EBF1: variants seen among roughly 807,000 people sequenced by gnomAD.
The protein encoded by EBF1 is EBF transcription factor 1.
EBF1 carries 10 observed loss-of-function variants against 68.4 expected under a neutral mutation model. That is an observed-to-expected ratio of 0.15 (90% CI 0.09 to 0.25). The LOEUF (loss-of-function observed/expected upper bound fraction) is 0.25. EBF1 is among the 10% of genes least tolerant of loss of function. The pLI is 1.00. For missense variants in EBF1, 509 were observed against 794.4 expected, an observed-to-expected ratio of 0.64 and a Z score of 4.32; for synonymous variants, 298 against 299.8, an observed-to-expected ratio of 0.99 and a Z score of 0.06.
chr5:158,852,711 C>A (rs898930958), intron 6 of EBF1, among the ~76,000 whole-genome samples: 1 of 152,168 alleles, frequency 6.6e-6, no homozygotes, highest in African/African-American at 2.4e-5. Context: ...AAAATAGAGT[C>A]TGACACTTTA....
chr5:158,701,086 A>G (rs1385652534), intron 15 of EBF1, among the ~76,000 whole-genome samples: 1 of 152,180 alleles, frequency 6.6e-6, no homozygotes, highest in Non-Finnish European at 1.5e-5. Flanking sequence ...TGCCTCCCCA[A>G]GGATCTTTTC....
chr5:158,802,931 A>G (rs780995236), intron 8 of EBF1, among the ~76,000 whole-genome samples: 2 of 152,136 alleles, frequency 1.3e-5, no homozygotes, highest in Non-Finnish European at 2.9e-5. Context: ...CAGATTATGT[A>G]TTTTATTGTA....
At chr5:158,964,901 A>G (rs1049335226) in intron 6 of EBF1, among the ~76,000 whole-genome samples, 1 of 152,236 alleles carries the variant, frequency 6.6e-6, no homozygotes, top group Non-Finnish European at 1.5e-5. Context: ...GCAACAAATC[A>G]TCAAGATGTG....
intron 14 of EBF1, among the ~76,000 whole-genome samples, chr5:158,711,661 G>T (rs892360032): frequency 2.6e-5 from 4 of 151,014 alleles, no homozygotes; most frequent in East Asian, 2.0e-4. Context: ...GTTTATGGGG[G>T]TTTTTTTGTT....
intron 6 of EBF1, among the ~76,000 whole-genome samples, chr5:158,882,588 T>G (rs978559760): frequency 1.2e-4 from 19 of 152,136 alleles, no homozygotes; most frequent in Admixed American, 1.2e-3. Flanking sequence ...GATAAAAATA[T>G]GCAAAGTTTC....
chr5:158,717,942 T>G (rs774329323), intron 11 of EBF1, among the ~76,000 whole-genome samples: 2 of 152,172 alleles, frequency 1.3e-5, no homozygotes, highest in Non-Finnish European at 2.9e-5. Flanking sequence ...AAAATGTGGA[T>G]GCATTATTCT....
chr5:158,973,672 C>A (rs921198038), intron 6 of EBF1, among the ~76,000 whole-genome samples: 2 of 152,142 alleles, frequency 1.3e-5, no homozygotes, highest in Admixed American at 6.5e-5. Flanking sequence ...ATCATTATAC[C>A]CCCAAGTAAC....
intron 9 of EBF1, among the ~76,000 whole-genome samples, chr5:158,783,358 G>A (rs1006925000): frequency 3.9e-5 from 6 of 152,190 alleles, no homozygotes; most frequent in Admixed American, 3.9e-4. Flanking sequence ...TTGCACAGAA[G>A]AAAGGAAAAA....
At chr5:159,039,117 G>A (rs1411927023) in intron 6 of EBF1, among the ~76,000 whole-genome samples, 1 of 152,166 alleles carries the variant, frequency 6.6e-6, no homozygotes, top group Non-Finnish European at 1.5e-5. Context: ...AAGAGTCTGT[G>A]GTATAAATGA....
intron 6 of EBF1, among the ~76,000 whole-genome samples, chr5:158,868,944 G>A (rs1159940653): frequency 6.6e-6 from 1 of 152,088 alleles, no homozygotes; most frequent in Non-Finnish European, 1.5e-5. Context: ...ATCGAAGGAG[G>A]TTTCATGTTC....
intron 6 of EBF1, among the ~76,000 whole-genome samples, chr5:158,859,761 C>T (rs1314378383): frequency 6.6e-6 from 1 of 152,210 alleles, no homozygotes; most frequent in African/African-American, 2.4e-5. Flanking sequence ...GAGCCCACTC[C>T]TCAAGCCAAC....
intron 11 of EBF1, among the ~76,000 whole-genome samples, chr5:158,714,798 G>A (rs1362904044): frequency 6.6e-6 from 1 of 152,002 alleles, no homozygotes; most frequent in African/African-American, 2.4e-5. Flanking sequence ...TTTCATTACT[G>A]GCAGTATCTA....
chr5:158,856,954 A>G (rs931075082), intron 6 of EBF1, among the ~76,000 whole-genome samples: 3 of 152,092 alleles, frequency 2.0e-5, no homozygotes, highest in Admixed American at 6.6e-5. Flanking sequence ...ATCTGGCAAC[A>G]TGCCTATCTA....
intron 4 of EBF1, among the ~76,000 whole-genome samples, chr5:159,094,651 A>G (rs1782263715): frequency 6.6e-6 from 1 of 152,218 alleles, no homozygotes; most frequent in African/African-American, 2.4e-5. Flanking sequence ...GAAACATTCT[A>G]AAATCACAAT....
At chr5:158,964,626 G>T (rs1361264660) in intron 6 of EBF1, among the ~76,000 whole-genome samples, 1 of 152,110 alleles carries the variant, frequency 6.6e-6, no homozygotes, top group Admixed American at 6.5e-5. Flanking sequence ...TCTACCTAAG[G>T]CTTCCCCAAT....
At chr5:158,842,885 A>T (rs1404090919) in intron 6 of EBF1, among the ~76,000 whole-genome samples, 1 of 152,202 alleles carries the variant, frequency 6.6e-6, no homozygotes, top group African/African-American at 2.4e-5. Flanking sequence ...TGAATCTAGA[A>T]CTCAAATTCA....
rs373101225 is a variant in EBF1, at chr5:158,700,611, G to A, written c.1745-1469C>T. 1.2e-3 allele frequency among the ~76,000 whole-genome samples: 177 copies of A among 149,260 alleles called. 3 individuals are homozygous for A. The South Asian group carries it at 0.016, about 13-fold the overall frequency. ...AGCCCCAAGACCCCCACGTTCCTCC[G>A]GCTTCCCCACCCCCACCCCTGGTAT... On this transcript the variant is annotated intron_variant, in intron 15 of 15. Transcript: ENST00000313708.
chr5:158,888,610 C>T (rs1414058887), intron 6 of EBF1, among the ~76,000 whole-genome samples: 1 of 152,036 alleles, frequency 6.6e-6, no homozygotes, highest in East Asian at 1.9e-4. Flanking sequence ...TAAAAATTGA[C>T]AAATTATATT....
chr5:158,743,565 T>C (rs1443342302), intron 10 of EBF1, among the ~76,000 whole-genome samples: 1 of 152,204 alleles, frequency 6.6e-6, no homozygotes, highest in Non-Finnish European at 1.5e-5. Flanking sequence ...GGCAGCATTA[T>C]TGTAATAATC....
Sources: gnomAD v4.1 joint callset for allele counts (sites outside exome capture counted in the v4.1 genomes callset) on GRCh38, gnomAD v4.1.1 for gene constraint, MANE v1.5 for transcripts, NCBI Gene and HGNC (gene_info 2026-07-23, HGNC 2026-07-21) for gene names.